PAK3: variants seen among roughly 807,000 people sequenced by gnomAD.
PAK3 encodes the protein p21 (RAC1) activated kinase 3.
A neutral mutation model predicts 41.0 loss-of-function variants in PAK3; 4 were observed. The observed-to-expected ratio is 0.10, with a 90% CI of 0.05 to 0.22. The LOEUF is 0.22. Ranked by LOEUF, PAK3 falls within the 10% of genes least tolerant of loss-of-function variation. The pLI is 1.00. For missense variants in PAK3, 205 were observed against 409.9 expected (o/e 0.50, Z 4.32); for synonymous variants, 146 against 139.6 (o/e 1.05, Z -0.32).
At chrX:111,033,475 A>G (rs1223647512) in intron 1 of PAK3, among the ~76,000 whole-genome samples, 2 of 111,973 alleles carry the variant, frequency 1.8e-5, no homozygotes, top group African/African-American at 6.5e-5. Context: ...TGCTGACTCA[A>G]TGAAATGGAA....
At chrX:111,119,102 G>C (rs1228194397) in intron 4 of PAK3, among the ~76,000 whole-genome samples, 1 of 111,235 alleles carries the variant, frequency 9.0e-6, no homozygotes, top group East Asian at 2.8e-4. Flanking sequence ...GAAAGACAGG[G>C]AAAGAGAGAG....
At chrX:111,202,724 G>A (rs970963805) in intron 16 of PAK3, among the ~76,000 whole-genome samples, 2 of 111,451 alleles carry the variant, frequency 1.8e-5, no homozygotes, top group East Asian at 2.8e-4. Context: ...GCTTTTACAC[G>A]TAATGGGGCT....
chrX:111,131,027 A>G (rs761187021), intron 5 of PAK3, among the ~76,000 whole-genome samples: 1 of 111,797 alleles, frequency 8.9e-6, no homozygotes, highest in African/African-American at 3.2e-5. Context: ...GTTGAAGACT[A>G]TACTGCTTAC....
At chrX:111,006,849 C>CTTTCTTTCTTTTTTTT (rs1556434441) in intron 1 of PAK3, among the ~76,000 whole-genome samples, 3 of 42,728 alleles carry the variant, frequency 7.0e-5, no homozygotes, top group Non-Finnish European at 8.7e-5. Context: ...TTCTTTCTTT[C>CTTTCTTTCTTTTTTTT]TTTTTTTTTT....
At chrX:111,215,920 T>C (rs886780724) in intron 16 of PAK3, among the ~76,000 whole-genome samples, 1 of 111,977 alleles carries the variant, frequency 8.9e-6, no homozygotes, top group South Asian at 3.8e-4. Context: ...TCATTGTACT[T>C]CCCTAATTCT....
intron 4 of PAK3, among the ~76,000 whole-genome samples, chrX:111,104,433 G>C (rs902468288): frequency 6.2e-5 from 7 of 112,192 alleles, no homozygotes; most frequent in African/African-American, 2.3e-4. Context: ...CTGCAGCTCA[G>C]CAGCAGGTGT....
rs769974484 is a variant in PAK3 at position 111,120,428 on chromosome X, T to C, written c.-27-2649T>C. On this transcript the variant is annotated intron_variant, in intron 4 of 17. Coordinates refer to ENST00000372007, the MANE Select transcript of PAK3 (RefSeq NM_002578.5). ...GCATCTACCTGCCTCTCTGGTCAGA[T>C]GGAGTAATTAGGAACAAAAAAGGCC... Among the ~76,000 whole-genome samples, 6 of 111,878 alleles carry C rather than the reference T, an allele frequency of 5.4e-5. No individual in the cohort carries two copies. In the South Asian group the frequency reaches 2.3e-3, roughly 43 times the overall value.
At chrX:111,059,143 A>C (rs1296537402) in intron 1 of PAK3, among the ~76,000 whole-genome samples, 1 of 73,752 alleles carries the variant, frequency 1.4e-5, no homozygotes, top group African/African-American at 4.9e-5. Flanking sequence ...TTTTTTTGAA[A>C]AAAAAGGCCA....
chrX:111,148,296 CT>C (rs1237760112), intron 7 of PAK3, among the ~76,000 whole-genome samples: 2 of 112,019 alleles, frequency 1.8e-5, no homozygotes, highest in Non-Finnish European at 3.8e-5. Flanking sequence ...ACACAGCACA[CT>C]GTTTTTTTGG....
intron 1 of PAK3, among the ~76,000 whole-genome samples, chrX:111,076,628 T>C (rs1278175659): frequency 1.8e-5 from 2 of 111,963 alleles, no homozygotes; most frequent in African/African-American, 6.5e-5. Context: ...GTCTCAGGTA[T>C]TTCTTGATAG....
At position 111,176,965 on chromosome X, in the gene PAK3, C is replaced by CAA. The variant is rs67321349; in HGVS notation, c.830+3899_830+3900dup. Among the ~76,000 whole-genome samples, 390 of 89,554 alleles carry CAA rather than the reference C, an allele frequency of 4.4e-3. 1 individual carries two copies. The highest frequency in any genetic ancestry group is 0.02 in the East Asian group (57 of 2,793). The allele number at this position is 89,554 out of a possible 115,157, so 77.8% of individuals were successfully genotyped here. A position where few individuals can be genotyped will look rare whatever the true frequency, so the allele number is the denominator to read the frequency against. On this transcript the variant is annotated intron_variant, in intron 11 of 17. Transcript: ENST00000372007. Reference sequence around the variant, plus strand: ...AATATTGACTTTTTTCTTTCTGGACCAAAAAAAAAAAAAAAACCCACCTCC... The same window carrying CAA: ...AATATTGACTTTTTTCTTTCTGGACCAAAAAAAAAAAAAAAAAACCCACCTCC...
chrX:111,153,352 T>C (rs990742800), intron 8 of PAK3, among the ~76,000 whole-genome samples: 5 of 111,961 alleles, frequency 4.5e-5, no homozygotes, highest in African/African-American at 1.6e-4. Context: ...CAAAGTCACA[T>C]AGATAATTTT....
At chrX:111,038,099 A>G (rs1173590230) in intron 1 of PAK3, among the ~76,000 whole-genome samples, 1 of 112,089 alleles carries the variant, frequency 8.9e-6, no homozygotes, top group Non-Finnish European at 1.9e-5. Context: ...GGTAGGGGTG[A>G]TTCTGAGGGT....
intron 1 of PAK3, among the ~76,000 whole-genome samples, chrX:110,951,481 GC>G (rs958446212): frequency 8.9e-6 from 1 of 111,812 alleles, no homozygotes; most frequent in Non-Finnish European, 1.9e-5. Context: ...TCTCGATATT[GC>G]CAAATTGCTT....
intron 1 of PAK3, among the ~76,000 whole-genome samples, chrX:111,062,865 G>A (rs2092668967): frequency 1.9e-5 from 2 of 105,164 alleles, no homozygotes; most frequent in Non-Finnish European, 3.9e-5. Context: ...TTCTGCCTCA[G>A]AAGACAAAGA....
chrX:110,955,615 G>A (rs763757362), intron 1 of PAK3, among the ~76,000 whole-genome samples: 33 of 111,634 alleles, frequency 3.0e-4, no homozygotes, highest in South Asian at 1.1e-3. Context: ...TCCAGCCTGG[G>A]CAAAAGAGTG....
At chrX:111,133,308 C>G (rs1421312568) in intron 5 of PAK3, among the ~76,000 whole-genome samples, 1 of 111,274 alleles carries the variant, frequency 9.0e-6, no homozygotes, top group Non-Finnish European at 1.9e-5. Context: ...ATGACTTACC[C>G]TTGCATCTAG....
chrX:111,166,604 A>G (rs763998692), intron 10 of PAK3, among the ~76,000 whole-genome samples: 2 of 111,420 alleles, frequency 1.8e-5, no homozygotes, highest in Non-Finnish European at 3.8e-5. Context: ...CTGGCCCATT[A>G]CTACATTTCA....
chrX:111,082,852 C>A, intron 1 of PAK3, among the ~76,000 whole-genome samples: 1 of 111,595 alleles, frequency 9.0e-6, no homozygotes, highest in East Asian at 2.8e-4. Flanking sequence ...TGATACCTAA[C>A]CATGAGTTTC....
Sources: allele counts gnomAD v4.1 joint callset (sites outside exome capture counted in the v4.1 genomes callset), GRCh38; gene constraint gnomAD v4.1.1; transcripts MANE v1.5; gene names NCBI Gene and HGNC (gene_info 2026-07-23, HGNC 2026-07-21).